UCK2: variants seen among roughly 807,000 people sequenced by gnomAD.
The protein encoded by UCK2 is uridine-cytidine kinase 2.
In UCK2, 6 loss-of-function variants were observed where a neutral mutation model predicts 30.8. That is an observed-to-expected ratio of 0.19 (90% CI 0.11 to 0.38). The LOEUF (loss-of-function observed/expected upper bound fraction) is 0.38, where lower values mean the gene tolerates loss of function less well. UCK2 is among the 10% of genes least tolerant of loss of function. The pLI, the probability that UCK2 is intolerant of heterozygous loss-of-function variation, is 1.00. For synonymous variants in UCK2, 125 were observed against 133.6 expected (o/e 0.94, Z 0.45); for missense variants, 210 against 339.8 (o/e 0.62, Z 3.00).
At chr1:165,883,927 T>G (rs1655558292) in intron 1 of UCK2, among the ~76,000 whole-genome samples, 2 of 152,196 alleles carry the variant, frequency 1.3e-5, no homozygotes, top group African/African-American at 4.8e-5. Context: ...GTTCTTAGTT[T>G]TAAACCAGGG....
rs540195113 is a variant in UCK2, at chr1:165,883,850, A to G, written c.100-6354A>G. 5.3e-5 allele frequency among the ~76,000 whole-genome samples: 8 copies of G among 152,338 alleles called. No individual in the cohort carries two copies. The South Asian group carries it at 1.5e-3, about 28-fold the overall frequency. On this transcript the variant is annotated intron_variant, in intron 1 of 6. Coordinates refer to ENST00000367879, the MANE Select transcript of UCK2 (RefSeq NM_012474.5). ...TGCAGATATTCCAGGGAAGCATTTG[A>G]GTGACACCTCTCTATTGTGCCACTT... is the stretch of plus-strand genomic sequence containing the variant.
At chr1:165,844,644 A>C (rs1337830977) in intron 1 of UCK2, among the ~76,000 whole-genome samples, 3 of 152,174 alleles carry the variant, frequency 2.0e-5, no homozygotes, top group Non-Finnish European at 4.4e-5. Context: ...CGGTGTTAGA[A>C]CTTTCAGCCC....
intron 1 of UCK2, among the ~76,000 whole-genome samples, chr1:165,841,670 G>T (rs767323790): frequency 7.9e-5 from 12 of 152,262 alleles, no homozygotes; most frequent in East Asian, 1.9e-4. Flanking sequence ...TTAGAGAAAG[G>T]CCCTGACCTC....
chr1:165,865,941 C>T (rs951770761), intron 1 of UCK2, among the ~76,000 whole-genome samples: 1 of 152,216 alleles, frequency 6.6e-6, no homozygotes, highest in African/African-American at 2.4e-5. Context: ...GCAGAAAGAT[C>T]TGATCCGCTT....
At chr1:165,852,221 T>A (rs946112181) in intron 1 of UCK2, among the ~76,000 whole-genome samples, 5 of 152,170 alleles carry the variant, frequency 3.3e-5, no homozygotes, top group Non-Finnish European at 7.3e-5. Flanking sequence ...TTGATAAAGT[T>A]GATCTAATTA....
At chr1:165,874,615 G>C (rs369005920) in intron 1 of UCK2, among the ~76,000 whole-genome samples, 90 of 152,136 alleles carry the variant, frequency 5.9e-4, no homozygotes, top group African/African-American at 2.2e-3. Context: ...TCTTAGCCTG[G>C]AACTCCAAAC....
chr1:165,907,678 C>T lies in UCK2; in HGVS notation c.647-6C>T. ...CCGTAACGCTCTGCTGGTCTCTGCC[C>T]CACAGTGGCCATCAACCTCATCGTG... On this transcript the variant is annotated splice_polypyrimidine_tract_variant and splice_region_variant and intron_variant, in intron 6 of 6. Coordinates refer to ENST00000367879, the MANE Select transcript of UCK2 (RefSeq NM_012474.5). 1 of 1,614,018 alleles carries T rather than the reference C, an allele frequency of 6.2e-7. No individual in the cohort carries two copies. The highest frequency in any genetic ancestry group is 8.5e-7 in the Non-Finnish European group (1 of 1,179,920).
intron 4 of UCK2, among the ~76,000 whole-genome samples, chr1:165,898,326 G>T (rs1319016375): frequency 7.2e-5 from 11 of 152,156 alleles, no homozygotes; most frequent in Non-Finnish European, 1.6e-4. Context: ...TCTTATGATT[G>T]GTACTTCTGG....
chr1:165,880,565 GGGT>G (rs1557843931), intron 1 of UCK2, among the ~76,000 whole-genome samples: 9 of 5,318 alleles, frequency 1.7e-3, no homozygotes, highest in African/African-American at 0.01. Context: ...TTTTTTTTGG[GGGT>G]GTGTGTGTGT....
intron 1 of UCK2, among the ~76,000 whole-genome samples, chr1:165,859,206 C>T (rs965917231): frequency 3.9e-5 from 6 of 152,068 alleles, no homozygotes; most frequent in Non-Finnish European, 7.4e-5. Flanking sequence ...CTCATTTCCC[C>T]CTGCGGAGGA....
At chr1:165,847,892 G>A (rs1488793996) in intron 1 of UCK2, among the ~76,000 whole-genome samples, 1 of 152,074 alleles carries the variant, frequency 6.6e-6, no homozygotes, top group Non-Finnish European at 1.5e-5. Context: ...CTGGGTTCGG[G>A]GTTTCACCAT....
At chr1:165,852,414 AC>A in intron 1 of UCK2, among the ~76,000 whole-genome samples, 1 of 152,360 alleles carries the variant, frequency 6.6e-6, no homozygotes, top group African/African-American at 2.4e-5. Context: ...AAGGATATGA[AC>A]AGACACTTCT....
intron 1 of UCK2, among the ~76,000 whole-genome samples, chr1:165,843,615 C>CA (rs1654380625): frequency 6.6e-6 from 1 of 151,906 alleles, no homozygotes; most frequent in South Asian, 2.1e-4. Flanking sequence ...CCCATCTCTA[C>CA]AAAAAATAAG....
At chr1:165,868,049 A>T (rs1479652772) in intron 1 of UCK2, among the ~76,000 whole-genome samples, 1 of 152,254 alleles carries the variant, frequency 6.6e-6, no homozygotes, top group Non-Finnish European at 1.5e-5. Flanking sequence ...CATGAGAATA[A>T]CATTAATCTC....
chr1:165,855,456 G>C (rs1654720548), intron 1 of UCK2, among the ~76,000 whole-genome samples: 1 of 151,684 alleles, frequency 6.6e-6, no homozygotes, highest in Admixed American at 6.6e-5. Context: ...CATCGTGGTA[G>C]GAAGTAAAAC....
At chr1:165,900,603 C>T (rs1647423272) in intron 4 of UCK2, 1 of 152,168 alleles carries the variant, frequency 6.6e-6, no homozygotes, top group Non-Finnish European at 1.5e-5. Context: ...TCTCCAGTGA[C>T]AAAACAGCTG....
chr1:165,836,894 T>C (rs1395275091), intron 1 of UCK2, among the ~76,000 whole-genome samples: 4 of 152,216 alleles, frequency 2.6e-5, no homozygotes, highest in Admixed American at 6.5e-5. Flanking sequence ...AAGTCCAAGA[T>C]TGAGTGCCTG....
chr1:165,880,569 GT>G (rs55679538), intron 1 of UCK2, among the ~76,000 whole-genome samples: 3 of 4,974 alleles, frequency 6.0e-4, no homozygotes, highest in African/African-American at 3.5e-3. Context: ...TTTTGGGGGT[GT>G]GTGTGTGTGT....
chr1:165,833,566 C>G (rs1571261661), intron 1 of UCK2, among the ~76,000 whole-genome samples: 1 of 152,096 alleles, frequency 6.6e-6, no homozygotes, highest in Non-Finnish European at 1.5e-5. Context: ...CTGATGCTCA[C>G]TCTGTTTGTG....
Sources: gnomAD v4.1 joint callset for allele counts (sites outside exome capture counted in the v4.1 genomes callset) on GRCh38, gnomAD v4.1.1 for gene constraint, MANE v1.5 for transcripts, NCBI Gene and HGNC (gene_info 2026-07-23, HGNC 2026-07-21) for gene names.